Variants in GRIP1 observed in about 807,000 individuals in gnomAD.
GRIP1 encodes the protein glutamate receptor-interacting protein 1.
A neutral mutation model predicts 129.9 loss-of-function variants in GRIP1; 45 were observed. The ratio of observed to expected loss-of-function variants is 0.35; its 90% confidence interval spans 0.27 to 0.44. The LOEUF (loss-of-function observed/expected upper bound fraction) is 0.44, where lower values mean the gene tolerates loss of function less well. GRIP1 is among the 20% of genes least tolerant of loss of function. The pLI is 1.00. For missense variants in GRIP1, 1,196 were observed against 1,396.8 expected (o/e 0.86, Z 2.29); for synonymous variants, 530 against 520.8 (o/e 1.02, Z -0.24).
intron 15 of GRIP1, among the ~76,000 whole-genome samples, chr12:66,420,087 C>T (rs1287387332): frequency 1.3e-5 from 2 of 152,048 alleles, no homozygotes; most frequent in Non-Finnish European, 2.9e-5. Context: ...ATACAGGTGA[C>T]ACTCGGTCTC....
At chr12:66,518,017 G>T in intron 5 of GRIP1, 41 bp from the exon 6 acceptor site, 1 of 1,090,230 alleles carries the variant, frequency 9.2e-7, no homozygotes, top group Non-Finnish European at 1.4e-6. Flanking sequence ...TGCTTTCATT[G>T]TTGGCATTTA....
At chr12:66,670,633 G>C (rs2034033505) in intron 1 of GRIP1, among the ~76,000 whole-genome samples, 2 of 152,200 alleles carry the variant, frequency 1.3e-5, no homozygotes, top group South Asian at 4.1e-4. Flanking sequence ...GTTATAACCT[G>C]TATCAGGCCT....
At chr12:66,726,511 A>C (rs2036258076) in intron 1 of GRIP1, among the ~76,000 whole-genome samples, 2 of 152,192 alleles carry the variant, frequency 1.3e-5, no homozygotes, top group Admixed American at 6.5e-5. Flanking sequence ...ACAACAACAA[A>C]AAACAAACAA....
chr12:66,640,972 G>C (rs1178905792), intron 1 of GRIP1, among the ~76,000 whole-genome samples: 1 of 152,156 alleles, frequency 6.6e-6, no homozygotes, highest in Non-Finnish European at 1.5e-5. Context: ...TCCAACGCAA[G>C]AGTGCCAATA....
intron 14 of GRIP1, among the ~76,000 whole-genome samples, chr12:66,423,366 G>T (rs2057874509): frequency 6.6e-6 from 1 of 152,200 alleles, no homozygotes; most frequent in Non-Finnish European, 1.5e-5. Context: ...AATGTTTATT[G>T]TTGCTATTAT....
At position 66,957,057 on chromosome 12, in the gene GRIP1, C is replaced by T. The variant is rs2041852834; in HGVS notation, c.58+111993G>A. Among the ~76,000 whole-genome samples, 3 of 152,094 alleles carry T rather than the reference C, an allele frequency of 2.0e-5. No homozygotes were observed. In the South Asian group the frequency reaches 6.2e-4, roughly 32 times the overall value. On this transcript the variant is annotated intron_variant, in intron 1 of 1. Coordinates refer to the GRIP1 transcript ENST00000643019. Reference sequence around the variant, plus strand: ...CCCCCACAAAATTCATATGTTGAAACTCTAATCTGCAGGACCTCAGACTAT... The same window carrying T: ...CCCCCACAAAATTCATATGTTGAAATTCTAATCTGCAGGACCTCAGACTAT...
chr12:66,520,142 T>G (rs1428475242), intron 5 of GRIP1, among the ~76,000 whole-genome samples: 1 of 152,252 alleles, frequency 6.6e-6, no homozygotes, highest in East Asian at 1.9e-4. Flanking sequence ...ATGCTCCATC[T>G]GCAATATCTT....
At chr12:66,647,425 C>T (rs929182137) in intron 1 of GRIP1, 9 of 152,134 alleles carry the variant, frequency 5.9e-5, no homozygotes, top group African/African-American at 2.2e-4. Context: ...TTTTCAGTTT[C>T]CTCTAATATA....
intron 1 of GRIP1, among the ~76,000 whole-genome samples, chr12:66,621,520 C>T (rs1350377947): frequency 6.6e-6 from 1 of 152,074 alleles, no homozygotes; most frequent in African/African-American, 2.4e-5. Context: ...TGGCTCGTGT[C>T]CACCTTTTGG....
chr12:66,907,069 G>A (rs368824153), intron 1 of GRIP1, among the ~76,000 whole-genome samples: 1 of 152,264 alleles, frequency 6.6e-6, no homozygotes. Flanking sequence ...ATCCCACATT[G>A]CACTTTGTCA....
At chr12:66,723,877 G>T (rs1269474413) in intron 1 of GRIP1, among the ~76,000 whole-genome samples, 1 of 152,270 alleles carries the variant, frequency 6.6e-6, no homozygotes, top group East Asian at 1.9e-4. Context: ...AGAGCATGGT[G>T]TTTCAATGAA....
chr12:66,668,099 A>G (rs985443746), intron 1 of GRIP1, among the ~76,000 whole-genome samples: 1 of 152,188 alleles, frequency 6.6e-6, no homozygotes, highest in East Asian at 1.9e-4. Flanking sequence ...AGCTGAGGCA[A>G]AAGTTTGTGG....
At chr12:66,352,824 G>A (rs1165882332) in intron 24 of GRIP1, among the ~76,000 whole-genome samples, 2 of 152,078 alleles carry the variant, frequency 1.3e-5, no homozygotes, top group African/African-American at 4.8e-5. Context: ...TTCTGGCTGG[G>A]TGTGGTGGAA....
At chr12:66,480,200 T>C (rs1053425703) in intron 7 of GRIP1, among the ~76,000 whole-genome samples, 4 of 152,170 alleles carry the variant, frequency 2.6e-5, no homozygotes, top group African/African-American at 9.7e-5. Flanking sequence ...CTTTTTAAGG[T>C]GATAAGCAAC....
chr12:66,711,876 A>T (rs1228087814), intron 1 of GRIP1, among the ~76,000 whole-genome samples: 3 of 151,948 alleles, frequency 2.0e-5, no homozygotes, highest in Non-Finnish European at 2.9e-5. Flanking sequence ...TAGATCCTAA[A>T]TGAGTAAATC....
At chr12:66,882,981 G>A (rs745603838) in intron 1 of GRIP1, among the ~76,000 whole-genome samples, 2 of 152,100 alleles carry the variant, frequency 1.3e-5, no homozygotes, top group Non-Finnish European at 2.9e-5. Flanking sequence ...CACAAGCAAA[G>A]TAAGAAACAA....
At chr12:66,835,209 G>T (rs888913599) in intron 1 of GRIP1, among the ~76,000 whole-genome samples, 1 of 152,004 alleles carries the variant, frequency 6.6e-6, no homozygotes, top group East Asian at 1.9e-4. Flanking sequence ...AGAGCAACAG[G>T]AACTGTCCAT....
At chr12:66,727,126 C>T (rs2036280479) in intron 1 of GRIP1, among the ~76,000 whole-genome samples, 1 of 152,126 alleles carries the variant, frequency 6.6e-6, no homozygotes, top group Non-Finnish European at 1.5e-5. Context: ...CTATGTGTAT[C>T]ACATGTGTGT....
At chr12:66,521,238 T>G (rs1304650226) in intron 5 of GRIP1, among the ~76,000 whole-genome samples, 2 of 152,228 alleles carry the variant, frequency 1.3e-5, no homozygotes, top group African/African-American at 4.8e-5. Context: ...CTTTCCATGC[T>G]GACATGTTGA....
Sources: gnomAD v4.1 joint callset for allele counts (sites outside exome capture counted in the v4.1 genomes callset) on GRCh38, gnomAD v4.1.1 for gene constraint, MANE v1.5 for transcripts, NCBI Gene and HGNC (gene_info 2026-07-23, HGNC 2026-07-21) for gene names.